Variants in NR1D1 observed in about 807,000 individuals in gnomAD.
The protein encoded by NR1D1 is Rev-ErbAalpha.
Under a neutral mutation model 51.1 loss-of-function variants are expected in NR1D1, and 17 were observed. That is an observed-to-expected ratio of 0.33 (90% CI 0.23 to 0.50). The LOEUF (loss-of-function observed/expected upper bound fraction) is 0.50, where lower values mean the gene tolerates loss of function less well. Ranked by LOEUF, NR1D1 falls within the 20% of genes least tolerant of loss-of-function variation. The pLI is 0.98. For missense variants in NR1D1, 647 were observed against 830.4 expected (o/e 0.78, Z 2.71); for synonymous variants, 341 against 333.4 (o/e 1.02, Z -0.25).
intron 6 of NR1D1, among the ~76,000 whole-genome samples, chr17:40,094,585 T>C (rs917080622): frequency 1.3e-5 from 2 of 152,206 alleles, no homozygotes; most frequent in Non-Finnish European, 2.9e-5. Context: ...GGCTTTCTGT[T>C]GGATCCTTCC....
chr17:40,100,221 T>A lies in NR1D1; in HGVS notation c.-127A>T. ...TGGACCCCGCGACTCACGATCAGGA[T>A]CCGAAGCACCCTGCAGCAAGGTCTT... On this transcript the variant is annotated 5_prime_UTR_variant, in exon 1 of 8. Coordinates refer to ENST00000246672, the MANE Select transcript of NR1D1 (RefSeq NM_021724.5). The A allele has an allele frequency of 1.3e-6, 1 of 766,416 alleles. No homozygotes were observed. Among genetic ancestry groups the A allele is most frequent in the East Asian group, 2.5e-5 (1 of 40,394 alleles). The allele number at this position is 766,416 out of a possible 1,614,324, so 47.5% of individuals were successfully genotyped here. A position where few individuals can be genotyped will look rare whatever the true frequency, so the allele number is the denominator to read the frequency against.
Position 40,093,270 on chromosome 17 carries a change from A to G in NR1D1, c.1658T>C (p.Met553Thr). Residue 553 changes from methionine to threonine, a missense_variant, in exon 8 of 8, where the codon ATG becomes ACG. Met to Thr is a moderately conservative substitution (Grantham distance 81). Around this residue, in one of 7 missense-constraint regions of NR1D1, gnomAD observed 155 missense variants for 236.8 expected, o/e 0.65. Transcript: ENST00000246672. This position sits in a 1 kb window ranked among gnomAD's most constrained non-coding sequence, Gnocchi z 5.9. Reference protein sequence around the residue: ...VVLVSADRSGMENSASVEQLQ... With the variant: ...VVLVSADRSGTENSASVEQLQ... ...CTGCTCCACCGAAGCGGAATTCTCC[A>G]TGCCCGAGCGGTCTGTGGGGAAGAC... 1 of 1,613,708 alleles carries G rather than the reference A, an allele frequency of 6.2e-7. No individual in the cohort carries two copies. Among genetic ancestry groups the G allele is most frequent in the Non-Finnish European group, 8.5e-7 (1 of 1,180,022 alleles).
chr17:40,099,463 T>G (rs1987832946), intron 1 of NR1D1, among the ~76,000 whole-genome samples: 1 of 151,986 alleles, frequency 6.6e-6, no homozygotes, highest in Non-Finnish European at 1.5e-5. Context: ...TCTAGAGCCA[T>G]GTGAGCCCTC....
rs1987743183 is a variant in NR1D1 at position 40,095,667 on chromosome 17, T to G, written c.1025A>C (p.Asp342Ala). 6.2e-7 allele frequency: 1 copy of G among 1,612,320 alleles called. No individual in the cohort carries two copies. The highest frequency in any genetic ancestry group is 8.5e-7 in the Non-Finnish European group (1 of 1,178,776). ...ENQGCPPAPN[D>A]NNTLAAQRHN... is the part of the protein sequence containing the mutation. ...ACGCTGGGCAGCCAAGGTGTTGTTG[T>G]CATTGGGGGCAGGTGGGCAGCCCTG... The change falls in exon 5 of 8, where the codon GAC becomes GCC. Residue 342 changes from aspartate to alanine, a missense_variant. Coordinates refer to ENST00000246672, the MANE Select transcript of NR1D1 (RefSeq NM_021724.5).
intron 2 of NR1D1, 35 bp downstream of exon 2, chr17:40,097,030 T>G (rs1374116385): frequency 6.4e-7 from 1 of 1,552,100 alleles, no homozygotes; most frequent in Non-Finnish European, 8.7e-7. Context: ...CCTGGCCTGC[T>G]TCCCTTCCCC....
Position 40,094,296 on chromosome 17 carries a change from A to G in NR1D1, c.1435-174T>C, listed in dbSNP as rs370980053. ...GGTGGAAGGATGGCTTTGGGATCCA[A>G]TAAGCCTGAATCTGAGTGTCAGCTT... is the stretch of plus-strand genomic sequence containing the variant. On this transcript the variant is annotated intron_variant, in intron 6 of 7. Coordinates refer to ENST00000246672, the MANE Select transcript of NR1D1 (RefSeq NM_021724.5). 5.4e-4 allele frequency among the ~76,000 whole-genome samples: 82 copies of G among 152,322 alleles called. 1 individual carries two copies. The South Asian group carries it at 0.016, about 29-fold the overall frequency.
chr17:40,094,680 C>T (rs1427398554), intron 6 of NR1D1, among the ~76,000 whole-genome samples: 1 of 152,200 alleles, frequency 6.6e-6, no homozygotes, highest in African/African-American at 2.4e-5. Flanking sequence ...GGCAGATCAC[C>T]TGGGGTCAGG....
At chr17:40,095,193 G>T in intron 5 of NR1D1, 73 bp from the exon 6 acceptor site, 1 of 1,458,452 alleles carries the variant, frequency 6.9e-7, no homozygotes, top group Non-Finnish European at 9.3e-7. Context: ...AGCAGAGCTG[G>T]ACCCCAGATT....
rs909524056 is a variant in NR1D1, at chr17:40,096,474, C to A, written c.573G>T (p.Lys191Asn). ...NRNRCQQCRF[K>N]KCLSVGMSRD... is the part of the protein sequence containing the mutation. ...GAGACATGCCCACAGAGAGACACTT[C>A]TTGAAGCGACATTGCTGGCAGCGGT... Residue 191 changes from lysine to asparagine, a missense_variant, in exon 4 of 8, where the codon AAG becomes AAT. Around this residue, in one of 7 missense-constraint regions of NR1D1, gnomAD observed 70 missense variants for 134.8 expected, o/e 0.52. Transcript: ENST00000246672. 2 of 1,614,148 alleles carry A rather than the reference C, an allele frequency of 1.2e-6. No individual in the cohort carries two copies. Among genetic ancestry groups the A allele is most frequent in the Admixed American group, 3.3e-5 (2 of 60,008 alleles).
chr17:40,100,394 A>G lies in NR1D1; in HGVS notation c.-300T>C. 1.8e-6 allele frequency: 1 copy of G among 550,056 alleles called. No homozygotes were observed. The highest frequency in any genetic ancestry group is 3.2e-6 in the Non-Finnish European group (1 of 309,326). The allele number at this position is 550,056 out of a possible 1,614,324, so 34.1% of individuals were successfully genotyped here. On this transcript the variant is annotated 5_prime_UTR_variant, in exon 1 of 8. Transcript: ENST00000246672. ...GTAGCAAGGAGGGTCGGGTCTCTGCAGTGTACGGGGTGCCTCTGCCTGCCG... is the reference window on the plus strand; with the variant it reads ...GTAGCAAGGAGGGTCGGGTCTCTGCGGTGTACGGGGTGCCTCTGCCTGCCG...
chr17:40,095,300 CA>C (rs1317477820), intron 5 of NR1D1, 143 bp downstream of exon 5: 3 of 1,221,008 alleles, frequency 2.5e-6, no homozygotes, highest in Non-Finnish European at 3.4e-6. Context: ...AGGCAGAGTC[CA>C]GACTGCAAGG....
chr17:40,097,174 C>G lies in NR1D1; in HGVS notation c.261G>C (p.Ser87=), dbSNP rs141021161. ...DDGSPSSSSS[S]SSSSSSFYNG... is the part of the protein sequence containing the mutation. ...TATAGAAGGAGGAGGAGGATGACGA[C>G]GAGGAAGATGAGGAAGAAGGGGAGC... Residue 87 remains serine, a synonymous_variant, in exon 2 of 8, where the codon TCG becomes TCC. Transcript: ENST00000246672. The G allele has an allele frequency of 1.9e-6, 3 of 1,611,384 alleles. No homozygotes were observed. Among genetic ancestry groups the G allele is most frequent in the South Asian group, 1.1e-5 (1 of 90,782 alleles).
rs1309973163 is a variant in NR1D1, at chr17:40,096,551, A to G, written c.496T>C (p.Tyr166His). 1.2e-6 allele frequency: 2 copies of G among 1,614,050 alleles called. No homozygotes were observed. The highest frequency in any genetic ancestry group is 2.7e-5 in the African/African-American group (2 of 74,904). The change falls in exon 4 of 8, where the codon TAC becomes CAC. Residue 166 changes from tyrosine (Y) to histidine (H), a missense_variant. Transcript: ENST00000246672. ...FRRSIQQNIQYKRCLKNENCS... is the reference protein window; with the variant it reads ...FRRSIQQNIQHKRCLKNENCS... ...TTCTCATTCTTCAGACACCTTTTGT[A>G]CTGGATGTTCTGCTGGATGCTCCGA...
intron 1 of NR1D1, among the ~76,000 whole-genome samples, chr17:40,097,664 T>TG (rs1161641109): frequency 6.6e-6 from 1 of 152,224 alleles, no homozygotes; most frequent in Non-Finnish European, 1.5e-5. Flanking sequence ...ATCTCGCATA[T>TG]GTGCCCCCCT....
In NR1D1 at chr17:40,095,978, C is replaced by T. The variant is rs755311406; in HGVS notation, c.714G>A (p.Glu238=). 4 of 1,612,452 alleles carry T rather than the reference C, an allele frequency of 2.5e-6. No individual in the cohort carries two copies. In the South Asian group the frequency reaches 3.3e-5, roughly 13 times the overall value. The change falls in exon 5 of 8, where the codon GAG becomes GAA. Residue 238 remains glutamate, a synonymous_variant. Coordinates refer to ENST00000246672, the MANE Select transcript of NR1D1 (RefSeq NM_021724.5). ...NNQLSSQCPL[E]TSPTQHPTPG... is the part of the protein sequence containing the mutation. ...GGGTGGGGTGCTGGGTGGGTGAAGT[C>T]TCCAGCGGGCACTGGCTGCTCAACT... is the stretch of plus-strand genomic sequence containing the variant.
chr17:40,099,257 C>A (rs113448112), intron 1 of NR1D1, among the ~76,000 whole-genome samples: 1 of 152,250 alleles, frequency 6.6e-6, no homozygotes, highest in Admixed American at 6.5e-5. Context: ...CGCCCTTCCC[C>A]GGCCACCAGG....
rs1219560959 is a variant in NR1D1, at chr17:40,093,351, AG to A, written c.1646-70del. On this transcript the variant is annotated intron_variant, in intron 7 of 7. Transcript: ENST00000246672. This position sits in a 1 kb window ranked among gnomAD's most constrained non-coding sequence, Gnocchi z 5.9. ...TCTGAGGAGGAACCGGAGGTCTGCG[AG>A]GACCTGGCAGGCAATGCAGCCTCTC... 1 of 1,612,470 alleles carries A rather than the reference AG, an allele frequency of 6.2e-7. No homozygotes were observed. The highest frequency in any genetic ancestry group is 1.3e-5 in the African/African-American group (1 of 75,034).
In NR1D1 at chr17:40,094,901, AAAAC is replaced by A. The variant is rs780415950; in HGVS notation, c.1434+30_1434+33del. On this transcript the variant is annotated intron_variant, in intron 6 of 7. Transcript: ENST00000246672. ...CGACAAGCGAAACTCTGTCTCAAAAAAAACAAAAACCAGAAGCATAAACGGTCAC... is the reference window on the plus strand; with the variant it reads ...CGACAAGCGAAACTCTGTCTCAAAAAAAAAACCAGAAGCATAAACGGTCAC... The A allele has an allele frequency of 2.1e-5, 33 of 1,606,316 alleles. No homozygotes were observed. In the South Asian group the frequency reaches 2.1e-4, roughly 10 times the overall value.
intron 1 of NR1D1, among the ~76,000 whole-genome samples, chr17:40,097,677 C>T (rs1468432527): frequency 6.6e-6 from 1 of 152,176 alleles, no homozygotes; most frequent in East Asian, 1.9e-4. Context: ...GCCCCCCTTC[C>T]TTAGTTGCCT....
Sources: allele counts gnomAD v4.1 joint callset (sites outside exome capture counted in the v4.1 genomes callset), GRCh38; gene constraint gnomAD v4.1.1; regional missense constraint gnomAD v4.1.1; non-coding constraint Gnocchi (gnomAD v3.1); transcripts MANE v1.5; gene names NCBI Gene and HGNC (gene_info 2026-07-23, HGNC 2026-07-21).